The following APBA1 variants were observed in gnomAD, a reference collection of about 807,000 sequenced individuals.
APBA1 encodes amyloid beta precursor protein binding family A member 1, also known as amyloid-beta A4 precursor protein-binding family A member 1.
Under a neutral mutation model 86.6 loss-of-function variants are expected in APBA1, and 55 were observed. The observed-to-expected ratio is 0.64, with a 90% CI of 0.51 to 0.80. The LOEUF is 0.80. Ranked by LOEUF, APBA1 falls within the 30% of genes least tolerant of loss-of-function variation. The pLI is 0.00. For missense variants in APBA1, 1,090 were observed against 1,183.0 expected (o/e 0.92, Z 1.15); for synonymous variants, 511 against 493.9 (o/e 1.03, Z -0.46).
At chr9:69,474,181 G>A (rs149199980) in intron 3 of APBA1, 1 of 152,174 alleles carries the variant, frequency 6.6e-6, no homozygotes, top group Non-Finnish European at 1.5e-5. Flanking sequence ...AGAACTTGGA[G>A]GCACAATTGG....
chr9:69,623,866 T>G (rs916966164), intron 1 of APBA1, among the ~76,000 whole-genome samples: 1 of 152,234 alleles, frequency 6.6e-6, no homozygotes, highest in African/African-American at 2.4e-5. Flanking sequence ...TAGGTCATCT[T>G]AACGTCTAAT....
chr9:69,447,430 G>A (rs1023194154), intron 10 of APBA1, among the ~76,000 whole-genome samples: 1 of 152,054 alleles, frequency 6.6e-6, no homozygotes, highest in East Asian at 1.9e-4. Context: ...CCTACATTTG[G>A]GGCTGGATAA....
intron 3 of APBA1, among the ~76,000 whole-genome samples, chr9:69,473,725 T>A (rs145614598): frequency 6.6e-6 from 1 of 152,124 alleles, no homozygotes; most frequent in Non-Finnish European, 1.5e-5. Flanking sequence ...AAAAAAATAA[T>A]TTGGCAAAAT....
chr9:69,614,606 C>A (rs1822666018), intron 1 of APBA1, among the ~76,000 whole-genome samples: 1 of 152,114 alleles, frequency 6.6e-6, no homozygotes, highest in African/African-American at 2.4e-5. Flanking sequence ...TATTCTAAGT[C>A]TCTGTCATCC....
intron 2 of APBA1, among the ~76,000 whole-genome samples, chr9:69,495,713 C>A (rs1335685960): frequency 6.6e-6 from 1 of 152,090 alleles, no homozygotes; most frequent in Non-Finnish European, 1.5e-5. Context: ...CTACCAGAAA[C>A]TTTCACACAC....
chr9:69,453,553 T>C (rs1835047203), intron 8 of APBA1, among the ~76,000 whole-genome samples: 1 of 152,224 alleles, frequency 6.6e-6, no homozygotes, highest in Admixed American at 6.5e-5. Context: ...GTAAATGCTA[T>C]ACAAGGACCA....
At chr9:69,434,555 A>G (rs1310266797) in intron 11 of APBA1, among the ~76,000 whole-genome samples, 2 of 152,068 alleles carry the variant, frequency 1.3e-5, no homozygotes, top group African/African-American at 4.8e-5. Flanking sequence ...AAAAATACAA[A>G]AATTAGCCGG....
At chr9:69,651,311 A>G (rs757046978) in intron 1 of APBA1, among the ~76,000 whole-genome samples, 1 of 152,184 alleles carries the variant, frequency 6.6e-6, no homozygotes, top group East Asian at 1.9e-4. Context: ...AGTGCTGGCA[A>G]TGTTCTAGAT....
chr9:69,497,094 T>C (rs1349237807), intron 2 of APBA1, among the ~76,000 whole-genome samples: 1 of 152,070 alleles, frequency 6.6e-6, no homozygotes, highest in Non-Finnish European at 1.5e-5. Context: ...TAGAATTCTT[T>C]CTCTGGCTCT....
At position 69,662,176 on chromosome 9, in the gene APBA1, C is replaced by T. The variant is rs866996683; in HGVS notation, c.-70+9977G>A. ...ACTCCAGGACCAGCAACTGTCTGGGCCCATTCCTGTGCCTAGACCTGAGGC... is the reference window on the plus strand; with the variant it reads ...ACTCCAGGACCAGCAACTGTCTGGGTCCATTCCTGTGCCTAGACCTGAGGC... On this transcript the variant is annotated intron_variant, in intron 1 of 12. Transcript: ENST00000265381. Among the ~76,000 whole-genome samples the T allele has an allele frequency of 3.9e-5, 6 of 152,204 alleles. No homozygotes were observed. In the Middle Eastern group the frequency reaches 0.014, roughly 345 times the overall value.
intron 1 of APBA1, among the ~76,000 whole-genome samples, chr9:69,526,612 C>T (rs368743751): frequency 1.3e-5 from 2 of 152,084 alleles, no homozygotes; most frequent in African/African-American, 4.8e-5. Flanking sequence ...CATCTATGCA[C>T]TGTTGGGTGG....
chr9:69,496,298 C>T (rs1835793806), intron 2 of APBA1, among the ~76,000 whole-genome samples: 1 of 152,064 alleles, frequency 6.6e-6, no homozygotes. Context: ...TGACTTTAGC[C>T]TTCTCTCTCA....
chr9:69,669,373 A>AAAC (rs145540253), intron 1 of APBA1, among the ~76,000 whole-genome samples: 1 of 152,120 alleles, frequency 6.6e-6, no homozygotes, highest in Admixed American at 6.5e-5. Context: ...AAACAAAACA[A>AAAC]AACAACAACA....
At chr9:69,649,863 A>C (rs1012470492) in intron 1 of APBA1, among the ~76,000 whole-genome samples, 1 of 152,132 alleles carries the variant, frequency 6.6e-6, no homozygotes, top group Non-Finnish European at 1.5e-5. Flanking sequence ...TAGGGTGGGG[A>C]AAGTATTCTG....
At chr9:69,434,025 T>G (rs1460015661) in intron 11 of APBA1, among the ~76,000 whole-genome samples, 1 of 152,222 alleles carries the variant, frequency 6.6e-6, no homozygotes, top group South Asian at 2.1e-4. Context: ...TTGGCCAAGC[T>G]GGTCTCAAAC....
chr9:69,669,333 C>T (rs2134033842), intron 1 of APBA1, among the ~76,000 whole-genome samples: 1 of 152,214 alleles, frequency 6.6e-6, no homozygotes, highest in Non-Finnish European at 1.5e-5. Context: ...ACCCCTAAGT[C>T]TTCCGAAACA....
intron 1 of APBA1, among the ~76,000 whole-genome samples, chr9:69,587,084 CT>C (rs375807375): frequency 6.6e-6 from 1 of 152,072 alleles, no homozygotes; most frequent in Non-Finnish European, 1.5e-5. Context: ...CATTTTTGTC[CT>C]TTTTTTGCCA....
Position 69,516,368 on chromosome 9 carries a change from C to T in APBA1, c.843G>A (p.Met281Ile). The T allele has an allele frequency of 6.2e-7, 1 of 1,601,822 alleles. No homozygotes were observed. The highest frequency in any genetic ancestry group is 8.5e-7 in the Non-Finnish European group (1 of 1,178,432). The change falls in exon 2 of 13, where the codon ATG (methionine) becomes ATA (isoleucine). Residue 281 changes from methionine (M) to isoleucine (I), a missense_variant. Met to Ile is a conservative substitution (Grantham distance 10, BLOSUM62 1). Coordinates refer to ENST00000265381, the MANE Select transcript of APBA1 (RefSeq NM_001163.4). The surrounding 1 kb of genome is among the most constrained non-coding windows in gnomAD (Gnocchi z 7.3). ...CTGCCTTGTCGAGGCTCTGCGAGCTCATGCTCTGCTTCACCTCGGCCACTA... is the reference window on the plus strand; with the variant it reads ...CTGCCTTGTCGAGGCTCTGCGAGCTTATGCTCTGCTTCACCTCGGCCACTA... ...DQIVAEVKQS[M>I]SSQSLDKAAE...
chr9:69,654,099 C>T (rs192827603), intron 1 of APBA1, among the ~76,000 whole-genome samples: 6 of 117,136 alleles, frequency 5.1e-5, no homozygotes, highest in South Asian at 2.7e-4. Flanking sequence ...GCAACGAGAG[C>T]GAAACTCCAT....
Sources: gnomAD v4.1 joint callset for allele counts (sites outside exome capture counted in the v4.1 genomes callset) on GRCh38, gnomAD v4.1.1 for gene constraint, Gnocchi (gnomAD v3.1) non-coding constraint, MANE v1.5 for transcripts, NCBI Gene and HGNC (gene_info 2026-07-23, HGNC 2026-07-21) for gene names.